Variants in ETV4 observed in about 807,000 individuals in gnomAD.
ETV4 encodes the protein ETS variant transcription factor 4, also known as ETS translocation variant 4.
A neutral mutation model predicts 65.9 loss-of-function variants in ETV4; 42 were observed. The observed-to-expected ratio is 0.64, with a 90% CI of 0.50 to 0.82. The LOEUF (loss-of-function observed/expected upper bound fraction) is 0.82. Among genes scored for constraint, ETV4 ranks in the 40% least tolerant of loss-of-function variants. ETV4 has a pLI of 0.00. For missense variants in ETV4, 583 were observed against 630.3 expected, an observed-to-expected ratio of 0.92 and a Z score of 0.80; for synonymous variants, 238 against 260.0, an observed-to-expected ratio of 0.92 and a Z score of 0.81.
chr17:43,541,667 C>A (rs747306401), intron 4 of ETV4, among the ~76,000 whole-genome samples: 1 of 152,158 alleles, frequency 6.6e-6, no homozygotes, highest in Non-Finnish European at 1.5e-5. Flanking sequence ...CGGTCACCCT[C>A]TTCCCAGGAT....
At chr17:43,544,847 G>A in intron 4 of ETV4, 128 bp downstream of exon 4, 1 of 810,448 alleles carries the variant, frequency 1.2e-6, no homozygotes, top group Non-Finnish European at 2.1e-6. Flanking sequence ...CTGGGGAGAG[G>A]GCCTTGGAGA....
intron 1 of ETV4, chr17:43,545,914 C>T (rs1971798798): frequency 5.5e-6 from 3 of 544,726 alleles, no homozygotes; most frequent in Non-Finnish European, 6.6e-6. Flanking sequence ...CTGCTTTACC[C>T]GGGCTCGGTT....
At chr17:43,534,130 G>A (rs1286019478) in intron 5 of ETV4, 145 bp from the exon 6 acceptor site, 6 of 827,012 alleles carry the variant, frequency 7.3e-6, no homozygotes, top group Admixed American at 4.2e-5. Context: ...TCTGAGACCC[G>A]CAGTGAGACA....
chr17:43,535,878 C>T (rs139885629), intron 5 of ETV4, among the ~76,000 whole-genome samples: 4 of 152,280 alleles, frequency 2.6e-5, no homozygotes, highest in East Asian at 1.9e-4. Context: ...TATGGGAGGC[C>T]GAGGTGGGCG....
intron 6 of ETV4, 56 bp from the exon 7 acceptor site, chr17:43,533,404 G>A (rs573506248): frequency 6.5e-7 from 1 of 1,529,622 alleles, no homozygotes; most frequent in South Asian, 1.2e-5. Context: ...AAGCATCTTT[G>A]AACCCTTCAT....
intron 4 of ETV4, among the ~76,000 whole-genome samples, chr17:43,541,500 GAA>G (rs991968183): frequency 3.3e-5 from 5 of 150,358 alleles, no homozygotes; most frequent in African/African-American, 1.0e-4. Context: ...CAGAGAGAGA[GAA>G]AGAATTTTAG....
At chr17:43,545,693 G>A in intron 1 of ETV4, 25 bp from the exon 2 acceptor site, 4 of 1,314,034 alleles carry the variant, frequency 3.0e-6, no homozygotes, top group South Asian at 2.5e-5. Flanking sequence ...GGCTGCGTTC[G>A]CACACCGTCC....
rs34640745 is a variant in ETV4 at position 43,545,194 on chromosome 17, CGTGTGTGTGTGT to C, written c.154+68_154+79del. ...AACAGGCGGGGGTTCCAGAATCGGC[CGTGTGTGTGTGT>C]GTGTGTGTGTGTGTGTGTGTGTGTG... On this transcript the variant is annotated intron_variant, in intron 3 of 12. Transcript: ENST00000319349. The C allele has an allele frequency of 1.1e-3, 709 of 636,794 alleles. No individual in the cohort carries two copies. In the Middle Eastern group the frequency reaches 0.015, roughly 13 times the overall value. The allele number at this position is 636,794 out of a possible 1,614,324, so 39.4% of individuals were successfully genotyped here.
At chr17:43,541,891 G>A (rs530012625) in intron 4 of ETV4, among the ~76,000 whole-genome samples, 2 of 152,132 alleles carry the variant, frequency 1.3e-5, no homozygotes, top group South Asian at 2.1e-4. Context: ...GAAAGATTAG[G>A]GAGGAGATTA....
At chr17:43,545,523 G>A (rs1179315627) in intron 2 of ETV4, 35 bp downstream of exon 2, 1 of 1,530,140 alleles carries the variant, frequency 6.5e-7, no homozygotes, top group Non-Finnish European at 8.8e-7. Flanking sequence ...CTGGGTGCGG[G>A]GCGGGGCGGG....
intron 11 of ETV4, 38 bp from the exon 12 acceptor site, chr17:43,529,274 T>C: frequency 6.3e-7 from 1 of 1,597,178 alleles, no homozygotes; most frequent in East Asian, 2.2e-5. Context: ...GATGCTACCT[T>C]GGCAGAGGAA....
intron 4 of ETV4, among the ~76,000 whole-genome samples, chr17:43,538,809 C>T (rs1049905800): frequency 6.6e-6 from 1 of 152,084 alleles, no homozygotes; most frequent in Non-Finnish European, 1.5e-5. Context: ...CTGGACTCTC[C>T]TTCCCTGGAG....
At chr17:43,535,657 C>T (rs1375610640) in intron 5 of ETV4, among the ~76,000 whole-genome samples, 2 of 152,172 alleles carry the variant, frequency 1.3e-5, no homozygotes, top group African/African-American at 4.8e-5. Flanking sequence ...AGGAGCGGTC[C>T]TGAGCATCAT....
intron 4 of ETV4, among the ~76,000 whole-genome samples, chr17:43,537,038 A>G (rs1971278221): frequency 6.6e-6 from 1 of 152,258 alleles, no homozygotes; most frequent in Non-Finnish European, 1.5e-5. Context: ...ATGGGCAGGC[A>G]TTATAAGCAG....
chr17:43,545,661 G>C lies in ETV4; in HGVS notation c.-44C>G, dbSNP rs754217060. 4.0e-5 allele frequency: 61 copies of C among 1,533,506 alleles called. No homozygotes were observed. The highest frequency in any genetic ancestry group is 5.3e-5 in the Non-Finnish European group (60 of 1,133,976). The allele number at this position is 1,533,506 out of a possible 1,614,324, so 95.0% of individuals were successfully genotyped here. A position where few individuals can be genotyped will look rare whatever the true frequency, so the allele number is the denominator to read the frequency against. On this transcript the variant is annotated 5_prime_UTR_variant, in exon 2 of 13. Transcript: ENST00000319349. ...CGCACGGCCGGGGCCCCAAGCGGGG[G>C]CCGAGACCTGGTGGGGGAGGGGGCT...
intron 4 of ETV4, among the ~76,000 whole-genome samples, chr17:43,542,152 A>G (rs1971556991): frequency 6.6e-6 from 1 of 152,170 alleles, no homozygotes; most frequent in African/African-American, 2.4e-5. Flanking sequence ...GATTCCTGTG[A>G]AAAGGGGAGC....
chr17:43,529,403 G>A lies in ETV4; in HGVS notation c.1128+101C>T, dbSNP rs758417430. On this transcript the variant is annotated intron_variant, in intron 11 of 12. Transcript: ENST00000319349. ...TTGGCAAGAATTCAGGTTAGGTAAA[G>A]CAAGAATCATGATGGAGGCACGTGC... is the stretch of plus-strand genomic sequence containing the variant. 1.2e-5 allele frequency: 18 copies of A among 1,465,586 alleles called. 1 individual carries two copies. The South Asian group carries it at 2.3e-4, about 19-fold the overall frequency. The allele number at this position is 1,465,586 out of a possible 1,614,324, so 90.8% of individuals were successfully genotyped here.
chr17:43,528,039 C>A lies in ETV4; in HGVS notation c.*480G>T, dbSNP rs555541640. 11 of 234,772 alleles carry A rather than the reference C, an allele frequency of 4.7e-5. No individual in the cohort carries two copies. In the South Asian group the frequency reaches 2.0e-3, roughly 42 times the overall value. The allele number at this position is 234,772 out of a possible 1,614,324, so 14.5% of individuals were successfully genotyped here. A position where few individuals can be genotyped will look rare whatever the true frequency, so the allele number is the denominator to read the frequency against. ...CAACCTCCGCCTGCCTCTGGGAACA[C>A]AGAGCACCAAGAACTGACAAACCGG... On this transcript the variant is annotated 3_prime_UTR_variant, in exon 13 of 13. Coordinates refer to ENST00000319349, the MANE Select transcript of ETV4 (RefSeq NM_001079675.5).
At chr17:43,541,842 G>A (rs1400530974) in intron 4 of ETV4, among the ~76,000 whole-genome samples, 1 of 152,178 alleles carries the variant, frequency 6.6e-6, no homozygotes, top group Non-Finnish European at 1.5e-5. Context: ...TCAGGAAGGG[G>A]AAGAGACAGA....
Sources: allele counts gnomAD v4.1 joint callset (sites outside exome capture counted in the v4.1 genomes callset), GRCh38; gene constraint gnomAD v4.1.1; transcripts MANE v1.5; gene names NCBI Gene and HGNC (gene_info 2026-07-23, HGNC 2026-07-21).